NALCN: variants seen among roughly 807,000 people sequenced by gnomAD.
NALCN encodes sodium leak channel, non-selective.
Under a neutral mutation model 225.3 loss-of-function variants are expected in NALCN, and 111 were observed. The ratio of observed to expected loss-of-function variants is 0.49; its 90% CI spans 0.42 to 0.58. The LOEUF (loss-of-function observed/expected upper bound fraction) is 0.58. Among genes scored for constraint, NALCN ranks in the 20% least tolerant of loss-of-function variants. The pLI is 0.00. For synonymous variants in NALCN, 764 were observed against 769.0 expected, an observed-to-expected ratio of 0.99 and a Z score of 0.11; for missense variants, 1,378 against 2,202.4, an observed-to-expected ratio of 0.63 and a Z score of 7.49.
chr13:101,346,746 G>T (rs973253740), intron 6 of NALCN, among the ~76,000 whole-genome samples: 3 of 152,114 alleles, frequency 2.0e-5, no homozygotes, highest in Non-Finnish European at 4.4e-5. Flanking sequence ...ACATAGGACT[G>T]CTGACTGTAG....
chr13:101,127,231 A>G (rs1305724260), intron 17 of NALCN, among the ~76,000 whole-genome samples: 1 of 152,234 alleles, frequency 6.6e-6, no homozygotes, highest in African/African-American at 2.4e-5. Context: ...AATTTGAACT[A>G]AGACAAAATA....
intron 34 of NALCN, among the ~76,000 whole-genome samples, chr13:101,078,821 T>C (rs907561456): frequency 5.9e-5 from 9 of 152,166 alleles, no homozygotes; most frequent in African/African-American, 1.9e-4. Context: ...CAGAATGATA[T>C]GGTTTAACTG....
intron 40 of NALCN, 87 bp from the exon 41 acceptor site, chr13:101,062,205 A>G (rs2032009227): frequency 2.0e-6 from 3 of 1,468,646 alleles, no homozygotes; most frequent in Admixed American, 2.0e-5. Context: ...AGAGGACATC[A>G]CTCAGTCTAA....
At position 101,076,015 on chromosome 13, in the gene NALCN, T is replaced by C; in HGVS notation, c.3886-74A>G. ...TGTTACAGTTCCATTTTTTAAGCCT[T>C]CTGTGAAGTATACTGAATAATTAGC... On this transcript the variant is annotated intron_variant, in intron 34 of 43. Transcript: ENST00000251127. 4 of 1,237,060 alleles carry C rather than the reference T, an allele frequency of 3.2e-6. No individual in the cohort carries two copies. The South Asian group carries it at 5.5e-5, about 17-fold the overall frequency. 76.6% of individuals were successfully genotyped at this position (1,237,060 alleles called of 1,614,324 possible). A position where few individuals can be genotyped will look rare whatever the true frequency, so the allele number is the denominator to read the frequency against.
intron 17 of NALCN, among the ~76,000 whole-genome samples, chr13:101,139,867 G>A (rs979550641): frequency 2.0e-5 from 3 of 152,118 alleles, no homozygotes; most frequent in Non-Finnish European, 4.4e-5. Context: ...TGCTGTCTCC[G>A]CAATTTGTGC....
chr13:101,386,302 A>G (rs1666348602), intron 3 of NALCN, among the ~76,000 whole-genome samples: 1 of 152,312 alleles, frequency 6.6e-6, no homozygotes, highest in Admixed American at 6.5e-5. Flanking sequence ...TATGCTATCC[A>G]CCATGTTTTC....
At chr13:101,150,158 T>C (rs141325120) in intron 15 of NALCN, among the ~76,000 whole-genome samples, 1 of 151,532 alleles carries the variant, frequency 6.6e-6, no homozygotes, top group Non-Finnish European at 1.5e-5. Context: ...CATACTGTTG[T>C]ATGTACTCCA....
chr13:101,206,563 T>C (rs924400611), intron 13 of NALCN, among the ~76,000 whole-genome samples: 1 of 148,530 alleles, frequency 6.7e-6, no homozygotes, highest in African/African-American at 2.4e-5. Flanking sequence ...TACTTGCCAT[T>C]TAAAAAATAG....
In NALCN at chr13:101,070,066, T is replaced by C. The variant is rs640761; in HGVS notation, c.4198-1239A>G. On this transcript the variant is annotated intron_variant, in intron 37 of 43. Coordinates refer to ENST00000251127, the MANE Select transcript of NALCN (RefSeq NM_052867.4). Reference sequence around the variant, plus strand: ...CCTCCTTCCATGAATCATGAATGTTTTTTTTTTTTTTTTTTTTTGAGACGG... The same window carrying C: ...CCTCCTTCCATGAATCATGAATGTTCTTTTTTTTTTTTTTTTTTGAGACGG... Among the ~76,000 whole-genome samples the C allele has an allele frequency of 3.7e-3, 57 of 15,534 alleles. 1 individual carries two copies. The highest frequency in any genetic ancestry group is 8.1e-3 in the African/African-American group (7 of 864). The allele number at this position is 15,534 out of a possible 152,430, so 10.2% of individuals were successfully genotyped here.
At chr13:101,371,218 T>C (rs2046529267) in intron 6 of NALCN, among the ~76,000 whole-genome samples, 1 of 152,246 alleles carries the variant, frequency 6.6e-6, no homozygotes, top group African/African-American at 2.4e-5. Flanking sequence ...GGCATTCATG[T>C]GTAAATCTTT....
intron 14 of NALCN, among the ~76,000 whole-genome samples, chr13:101,191,070 ATATT>A (rs2039660438): frequency 6.6e-6 from 1 of 152,182 alleles, no homozygotes; most frequent in African/African-American, 2.4e-5. Flanking sequence ...ATATTGTAAG[ATATT>A]TTGTAACTGT....
Position 101,062,091 on chromosome 13 carries a change from G to A in NALCN, c.4632C>T (p.Ile1544=), listed in dbSNP as rs774054421. Residue 1544 remains isoleucine, a synonymous_variant, in exon 41 of 44, where the codon ATC becomes ATT. Coordinates refer to ENST00000251127, the MANE Select transcript of NALCN (RefSeq NM_052867.4). ...GTTCCTCCAGCTGCAAGCTCTTCCG[G>A]ATGTCCACGGACCGGTATGAAAGCA... ...LSMLSYRSVD[I]RKSLQLEELL... The A allele has an allele frequency of 1.9e-6, 3 of 1,614,032 alleles. No homozygotes were observed. Among genetic ancestry groups the A allele is most frequent in the Non-Finnish European group, 1.7e-6 (2 of 1,180,004 alleles).
chr13:101,346,057 T>TTCTC (rs767899309), intron 6 of NALCN, among the ~76,000 whole-genome samples: 2,824 of 75,360 alleles, frequency 0.037, 125 homozygotes, highest in Middle Eastern at 0.083. Context: ...TTGAGAGACT[T>TTCTC]TCTCTCTCTC....
At chr13:101,344,195 G>A (rs1346134588) in intron 7 of NALCN, among the ~76,000 whole-genome samples, 1 of 152,156 alleles carries the variant, frequency 6.6e-6, no homozygotes, top group Non-Finnish European at 1.5e-5. Flanking sequence ...TTGAGACAGA[G>A]GGAAGGATTT....
chr13:101,291,859 A>G, intron 9 of NALCN, 131 bp downstream of exon 9: 1 of 908,596 alleles, frequency 1.1e-6, no homozygotes, highest in East Asian at 2.6e-5. Context: ...TGGCAACTGT[A>G]TTTTTAAACA....
intron 10 of NALCN, among the ~76,000 whole-genome samples, chr13:101,271,172 C>T (rs994831239): frequency 6.6e-6 from 1 of 151,948 alleles, no homozygotes; most frequent in Non-Finnish European, 1.5e-5. Flanking sequence ...TGTTTAATTG[C>T]CAGTAAGACA....
At chr13:101,250,438 G>C (rs2042027978) in intron 11 of NALCN, among the ~76,000 whole-genome samples, 1 of 152,008 alleles carries the variant, frequency 6.6e-6, no homozygotes, top group South Asian at 2.1e-4. Context: ...TATAGACACA[G>C]ACTGAGGTGT....
chr13:101,110,274 C>G (rs931194015), intron 20 of NALCN, among the ~76,000 whole-genome samples: 1 of 152,156 alleles, frequency 6.6e-6, no homozygotes, highest in East Asian at 1.9e-4. Context: ...CTAGAATATT[C>G]GATTCTCAGT....
At chr13:101,287,172 G>A (rs1392651391) in intron 9 of NALCN, among the ~76,000 whole-genome samples, 1 of 152,144 alleles carries the variant, frequency 6.6e-6, no homozygotes, top group Admixed American at 6.5e-5. Flanking sequence ...TGGTCAGATA[G>A]TATGTATGTT....
Sources: allele counts gnomAD v4.1 joint callset (sites outside exome capture counted in the v4.1 genomes callset), GRCh38; gene constraint gnomAD v4.1.1; transcripts MANE v1.5; gene names NCBI Gene and HGNC (gene_info 2026-07-23, HGNC 2026-07-21).